The following PRKN variants were observed in gnomAD, a reference collection of about 807,000 sequenced individuals.
PRKN encodes parkin RBR E3 ubiquitin protein ligase, also known as E3 ubiquitin-protein ligase parkin.
A neutral mutation model predicts 59.5 loss-of-function variants in PRKN; 56 were observed. The ratio of observed to expected loss-of-function variants is 0.94; its 90% confidence interval spans 0.76 to 1.18. PRKN has a LOEUF of 1.18. Ranked by LOEUF, PRKN falls within the 50% of genes most tolerant of loss-of-function variation. The pLI, the probability that PRKN is intolerant of heterozygous loss-of-function variation, is 0.00. For missense variants in PRKN, 657 were observed against 596.4 expected, an observed-to-expected ratio of 1.10 and a Z score of -1.06; for synonymous variants, 250 against 222.1, an observed-to-expected ratio of 1.13 and a Z score of -1.12.
At position 161,785,937 on chromosome 6, in the gene PRKN, T is replaced by G; in HGVS notation, c.735-29A>C. 3.1e-6 allele frequency: 5 copies of G among 1,612,902 alleles called. No homozygotes were observed. The South Asian group carries it at 3.3e-5, about 11-fold the overall frequency. On this transcript the variant is annotated intron_variant, in intron 6 of 11. Coordinates refer to ENST00000366898, the MANE Select transcript of PRKN (RefSeq NM_004562.3). ...CAGAGAGAAAGGAAGATGTTTCCTC[T>G]AGTACCTGTCAGTGTGGAAAGGCAG... is the stretch of plus-strand genomic sequence containing the variant.
intron 1 of PRKN, among the ~76,000 whole-genome samples, chr6:162,639,902 A>G (rs997239232): frequency 6.6e-6 from 1 of 152,066 alleles, no homozygotes; most frequent in African/African-American, 2.4e-5. Context: ...AAGATTAAGA[A>G]TTTTCTGGGT....
intron 7 of PRKN, among the ~76,000 whole-genome samples, chr6:161,673,837 A>T (rs1036530202): frequency 1.3e-5 from 2 of 152,136 alleles, no homozygotes; most frequent in African/African-American, 4.8e-5. Flanking sequence ...GAGTCAAGAT[A>T]ACTTGGAGAT....
chr6:161,515,369 A>C (rs1319520239), intron 9 of PRKN, among the ~76,000 whole-genome samples: 1 of 152,142 alleles, frequency 6.6e-6, no homozygotes, highest in African/African-American at 2.4e-5. Flanking sequence ...GTTTTTATCC[A>C]TGTACATATA....
intron 9 of PRKN, among the ~76,000 whole-genome samples, chr6:161,516,526 GAA>G (rs1562498966): frequency 2.4e-4 from 28 of 118,804 alleles, no homozygotes; most frequent in African/African-American, 7.3e-4. Flanking sequence ...AGAAGAAGAA[GAA>G]GAAAAAGAAG....
At chr6:162,101,533 G>T (rs190133320) in intron 4 of PRKN, among the ~76,000 whole-genome samples, 1 of 151,856 alleles carries the variant, frequency 6.6e-6, no homozygotes, top group Non-Finnish European at 1.5e-5. Context: ...TTAGCCGGGC[G>T]TGGTGGCGGG....
In PRKN at chr6:161,802,341, G is replaced by A. The variant is rs148114070; in HGVS notation, c.735-16433C>T. On this transcript the variant is annotated intron_variant, in intron 6 of 11. Coordinates refer to ENST00000366898, the MANE Select transcript of PRKN (RefSeq NM_004562.3). ...CTTAGCTCCTTCTCTTCTCCCACTC[G>A]CTGTGATCCAGGCTCAGTGAACTCT... is the stretch of plus-strand genomic sequence containing the variant. 1.4e-3 allele frequency among the ~76,000 whole-genome samples: 212 copies of A among 151,610 alleles called. 3 individuals carry two copies. The highest frequency in any genetic ancestry group is 4.7e-3 in the African/African-American group (192 of 41,272).
intron 7 of PRKN, among the ~76,000 whole-genome samples, chr6:161,697,355 T>C (rs577930396): frequency 1.3e-5 from 2 of 152,330 alleles, no homozygotes; most frequent in East Asian, 1.9e-4. Context: ...ACGTGCTTCC[T>C]ATGAAAAGCT....
intron 7 of PRKN, among the ~76,000 whole-genome samples, chr6:161,606,314 A>G (rs562972983): frequency 1.3e-5 from 2 of 152,290 alleles, no homozygotes; most frequent in South Asian, 4.1e-4. Flanking sequence ...TTTAAGAGCT[A>G]ACTAGTAGGT....
At chr6:162,558,712 C>A (rs2128205732) in intron 1 of PRKN, among the ~76,000 whole-genome samples, 1 of 151,866 alleles carries the variant, frequency 6.6e-6, no homozygotes, top group Non-Finnish European at 1.5e-5. Flanking sequence ...GATCTTAGCC[C>A]ATCACAGTCT....
chr6:162,517,570 A>G (rs1301561657), intron 1 of PRKN, among the ~76,000 whole-genome samples: 1 of 151,930 alleles, frequency 6.6e-6, no homozygotes, highest in African/African-American at 2.4e-5. Context: ...TATTTTTTTA[A>G]TTCCCTAAAT....
intron 9 of PRKN, among the ~76,000 whole-genome samples, chr6:161,536,209 A>G (rs187804187): frequency 3.1e-4 from 47 of 152,286 alleles, no homozygotes; most frequent in Non-Finnish European, 8.8e-5. Flanking sequence ...TTAAATAGAA[A>G]GGAAATGTAT....
chr6:161,966,438 A>G (rs997692051), intron 6 of PRKN, among the ~76,000 whole-genome samples: 2 of 152,192 alleles, frequency 1.3e-5, no homozygotes, highest in Non-Finnish European at 2.9e-5. Flanking sequence ...GAGCCCCAAG[A>G]CACACATGCT....
At chr6:161,752,629 G>A (rs917783923) in intron 7 of PRKN, among the ~76,000 whole-genome samples, 2 of 152,202 alleles carry the variant, frequency 1.3e-5, no homozygotes, top group Non-Finnish European at 1.5e-5. Context: ...GAAGGTCAAG[G>A]CTGCAGTGAG....
At chr6:161,874,335 AAAT>A (rs1402471979) in intron 6 of PRKN, among the ~76,000 whole-genome samples, 1 of 83,674 alleles carries the variant, frequency 1.2e-5, no homozygotes, top group South Asian at 4.4e-4. Flanking sequence ...ATTACATGTA[AAAT>A]ATTATATATA....
Position 162,202,284 on chromosome 6 carries a change from G to GA in PRKN, c.413-1033dup, listed in dbSNP as rs1015878433. 6.6e-5 allele frequency among the ~76,000 whole-genome samples: 10 copies of GA among 151,882 alleles called. No homozygotes were observed. In the East Asian group the frequency reaches 1.7e-3, roughly 26 times the overall value. ...TAAAAACAACTAGAACAAAAATAAT[G>GA]AAAAAAATGAGATTCTAAAGTCCTT... On this transcript the variant is annotated intron_variant, in intron 3 of 11. Transcript: ENST00000366898.
chr6:161,789,034 A>T (rs1790538061), intron 6 of PRKN, among the ~76,000 whole-genome samples: 1 of 152,224 alleles, frequency 6.6e-6, no homozygotes, highest in Admixed American at 6.5e-5. Context: ...GACGGTGTAT[A>T]TGTGCATTTC....
intron 6 of PRKN, among the ~76,000 whole-genome samples, chr6:161,809,084 G>A (rs577434458): frequency 3.9e-5 from 6 of 152,104 alleles, no homozygotes; most frequent in Non-Finnish European, 8.8e-5. Context: ...CAGGCAGTCC[G>A]CCCACCTCAG....
In PRKN at chr6:161,475,292, A is replaced by G. The variant is rs1339923436; in HGVS notation, c.1083+73562T>C. On this transcript the variant is annotated intron_variant, in intron 9 of 11. Coordinates refer to ENST00000366898, the MANE Select transcript of PRKN (RefSeq NM_004562.3). This position sits in a 1 kb window ranked among gnomAD's most constrained non-coding sequence, Gnocchi z 5.3. Reference sequence around the variant, plus strand: ...GGGGAATGCAGTCACCTCTTCCCACACTGGTGACCCAGACATTCACGTTGC... The same window carrying G: ...GGGGAATGCAGTCACCTCTTCCCACGCTGGTGACCCAGACATTCACGTTGC... Among the ~76,000 whole-genome samples, 2 of 152,136 alleles carry G rather than the reference A, an allele frequency of 1.3e-5. No individual in the cohort carries two copies. The highest frequency in any genetic ancestry group is 2.9e-5 in the Non-Finnish European group (2 of 68,032).
chr6:162,442,182 A>T (rs1790088467), intron 2 of PRKN, among the ~76,000 whole-genome samples: 1 of 152,182 alleles, frequency 6.6e-6, no homozygotes, highest in Non-Finnish European at 1.5e-5. Flanking sequence ...TTCTTTGTAT[A>T]CCCAAATTCT....
Sources: gnomAD v4.1 joint callset for allele counts (sites outside exome capture counted in the v4.1 genomes callset) on GRCh38, gnomAD v4.1.1 for gene constraint, Gnocchi (gnomAD v3.1) non-coding constraint, MANE v1.5 for transcripts, NCBI Gene and HGNC (gene_info 2026-07-23, HGNC 2026-07-21) for gene names.